SVEP1: variants seen among roughly 807,000 people sequenced by gnomAD.
SVEP1 encodes sushi, von Willebrand factor type A, EGF and pentraxin domain containing 1.
SVEP1 carries 164 observed loss-of-function variants against 367.3 expected under a neutral mutation model. That is an observed-to-expected ratio of 0.45 (90% CI 0.39 to 0.51). SVEP1 has a LOEUF of 0.51. Among genes scored for constraint, SVEP1 ranks in the 20% least tolerant of loss-of-function variants. The pLI is 0.00. For synonymous variants in SVEP1, 1,666 were observed against 1,611.6 expected (o/e 1.03, Z -0.81); for missense variants, 4,117 against 4,425.3 (o/e 0.93, Z 1.98).
intron 5 of SVEP1, among the ~76,000 whole-genome samples, chr9:110,507,714 A>AT (rs1254832485): frequency 6.6e-6 from 1 of 152,218 alleles, no homozygotes; most frequent in Non-Finnish European, 1.5e-5. Context: ...TGTCTTCTGC[A>AT]TTTTGACTTT....
rs536480162 is a variant in SVEP1 at position 110,532,819 on chromosome 9, C to T, written c.964+13296G>A. Among the ~76,000 whole-genome samples the T allele has an allele frequency of 2.6e-5, 4 of 152,140 alleles. No individual in the cohort carries two copies. The East Asian group carries it at 7.8e-4, about 29-fold the overall frequency. On this transcript the variant is annotated intron_variant, in intron 3 of 47. Transcript: ENST00000374469. The stretch of plus-strand genomic sequence containing the variant: ...TAATAGTAGCTCTTTCCAGCTATGA[C>T]AACCAAAGTTTCCTCCAGAAACTTT...
chr9:110,371,434 A>AT (rs937876224), intron 46 of SVEP1, among the ~76,000 whole-genome samples: 2 of 151,680 alleles, frequency 1.3e-5, no homozygotes, highest in African/African-American at 4.8e-5. Flanking sequence ...CTGCAGTGTT[A>AT]TTTTTTCCTC....
intron 30 of SVEP1, among the ~76,000 whole-genome samples, chr9:110,434,065 T>C (rs1385746469): frequency 6.6e-6 from 1 of 152,180 alleles, no homozygotes; most frequent in Non-Finnish European, 1.5e-5. Flanking sequence ...GACCCATCTA[T>C]CTCTGGGCCT....
At chr9:110,394,252 G>C (rs1827720523) in intron 40 of SVEP1, among the ~76,000 whole-genome samples, 1 of 152,166 alleles carries the variant, frequency 6.6e-6, no homozygotes, top group Non-Finnish European at 1.5e-5. Context: ...AACAGGGTCT[G>C]GATTGGACCT....
intron 3 of SVEP1, among the ~76,000 whole-genome samples, chr9:110,545,002 ATGAG>A (rs1452329867): frequency 2.0e-5 from 3 of 152,214 alleles, no homozygotes; most frequent in Admixed American, 1.3e-4. Flanking sequence ...ATTTCCACAT[ATGAG>A]TGAGAACATG....
intron 5 of SVEP1, among the ~76,000 whole-genome samples, chr9:110,506,924 G>A (rs1450520349): frequency 1.3e-5 from 2 of 152,026 alleles, no homozygotes; most frequent in African/African-American, 2.4e-5. Flanking sequence ...TAGGGGTAGG[G>A]GAAAGAATAA....
intron 13 of SVEP1, among the ~76,000 whole-genome samples, chr9:110,477,498 T>C (rs970792288): frequency 6.6e-6 from 1 of 152,214 alleles, no homozygotes; most frequent in African/African-American, 2.4e-5. Context: ...GCATACTTAT[T>C]CATCCTTTCT....
At chr9:110,481,012 TGG>T (rs1829178618) in intron 12 of SVEP1, among the ~76,000 whole-genome samples, 1 of 152,180 alleles carries the variant, frequency 6.6e-6, no homozygotes, top group African/African-American at 2.4e-5. Context: ...AGGGCTCAGA[TGG>T]TTCTGCCTTA....
At chr9:110,554,727 C>CGCGTGT (rs1554723145) in intron 1 of SVEP1, among the ~76,000 whole-genome samples, 2 of 148,566 alleles carry the variant, frequency 1.3e-5, no homozygotes, top group Non-Finnish European at 3.0e-5. Flanking sequence ...TATAGATGTG[C>CGCGTGT]GTGTGTGTGT....
At chr9:110,411,821 C>T in intron 36 of SVEP1, 86 bp from the exon 37 acceptor site, 3 of 1,212,662 alleles carry the variant, frequency 2.5e-6, no homozygotes, top group Non-Finnish European at 3.3e-6. Context: ...TTAAATCTTT[C>T]CCACAATGAC....
chr9:110,394,833 C>T (rs1382894433), intron 40 of SVEP1, among the ~76,000 whole-genome samples: 2 of 152,010 alleles, frequency 1.3e-5, no homozygotes, highest in Admixed American at 1.3e-4. Context: ...ACAAAGCCTC[C>T]AAGAAATATG....
At chr9:110,463,633 A>T (rs1828893317) in intron 18 of SVEP1, among the ~76,000 whole-genome samples, 1 of 141,528 alleles carries the variant, frequency 7.1e-6, no homozygotes, top group Non-Finnish European at 1.6e-5. Flanking sequence ...AGAAAGGAAG[A>T]AAAAGAAAGA....
rs1179481928 is a variant in SVEP1 at position 110,579,703 on chromosome 9, AT to A, written c.-161del. On this transcript the variant is annotated 5_prime_UTR_variant, in exon 1 of 48. Transcript: ENST00000374469. This position sits in a 1 kb window ranked among gnomAD's most constrained non-coding sequence, Gnocchi z 5.3. ...TCATCTGACACTGGGGACAGACACA[AT>A]CCAGACTCCTCAGCAGCTCGGGAAC... The A allele has an allele frequency of 3.7e-6, 3 of 819,646 alleles. No individual in the cohort carries two copies. The highest frequency in any genetic ancestry group is 3.8e-4 in the Middle Eastern group (1 of 2,654). 50.8% of individuals were successfully genotyped at this position (819,646 alleles called of 1,614,324 possible).
intron 22 of SVEP1, among the ~76,000 whole-genome samples, chr9:110,454,889 T>C (rs201039906): frequency 6.6e-6 from 1 of 152,174 alleles, no homozygotes; most frequent in South Asian, 2.1e-4. Flanking sequence ...TTATCTGTAC[T>C]CCAAACCTCA....
chr9:110,493,609 G>C, intron 8 of SVEP1, among the ~76,000 whole-genome samples: 1 of 152,122 alleles, frequency 6.6e-6, no homozygotes, highest in East Asian at 1.9e-4. Context: ...GCACTTGCCT[G>C]TAATCCCAGC....
At chr9:110,520,070 T>C (rs1015412196) in intron 3 of SVEP1, among the ~76,000 whole-genome samples, 6 of 152,194 alleles carry the variant, frequency 3.9e-5, no homozygotes, top group African/African-American at 1.4e-4. Context: ...CCTAATCTTA[T>C]AGTATTACTC....
intron 38 of SVEP1, among the ~76,000 whole-genome samples, chr9:110,405,164 A>G (rs890683202): frequency 6.6e-6 from 1 of 152,192 alleles, no homozygotes; most frequent in South Asian, 2.1e-4. Context: ...TATTGAATTC[A>G]TTTTTATTCT....
At chr9:110,454,421 A>G (rs1353468406) in intron 22 of SVEP1, among the ~76,000 whole-genome samples, 1 of 152,198 alleles carries the variant, frequency 6.6e-6, no homozygotes, top group East Asian at 1.9e-4. Flanking sequence ...TCTTCTGCGT[A>G]TGGTTGGCCA....
chr9:110,489,323 G>A (rs1829331646), intron 9 of SVEP1, among the ~76,000 whole-genome samples: 1 of 152,162 alleles, frequency 6.6e-6, no homozygotes, highest in Non-Finnish European at 1.5e-5. Flanking sequence ...ACATACCCGA[G>A]ACTGAGTAAT....
Sources: gnomAD v4.1 joint callset for allele counts (sites outside exome capture counted in the v4.1 genomes callset) on GRCh38, gnomAD v4.1.1 for gene constraint, Gnocchi (gnomAD v3.1) non-coding constraint, MANE v1.5 for transcripts, NCBI Gene and HGNC (gene_info 2026-07-23, HGNC 2026-07-21) for gene names.